The following MTRF1 variants were observed in gnomAD, a reference collection of about 807,000 sequenced individuals.
The protein encoded by MTRF1 is mitochondrial translation release factor 1, also known as peptide chain release factor 1, mitochondrial.
A neutral mutation model predicts 62.9 loss-of-function variants in MTRF1; 51 were observed. The ratio of observed to expected loss-of-function variants is 0.81; its 90% CI spans 0.65 to 1.02. The LOEUF (loss-of-function observed/expected upper bound fraction) is 1.02, where lower values mean the gene tolerates loss of function less well. Ranked by LOEUF, MTRF1 falls within the 50% of genes least tolerant of loss-of-function variation. The pLI is 0.00. For missense variants in MTRF1, 446 were observed against 530.0 expected (o/e 0.84, Z 1.56); for synonymous variants, 158 against 181.9 (o/e 0.87, Z 1.06).
At chr13:41,284,696 G>A in the MTRF1 span, among the ~76,000 whole-genome samples, 2 of 151,416 alleles carry the variant, frequency 1.3e-5, no homozygotes, top group Admixed American at 6.6e-5. Context: ...GCGTGATATC[G>A]ACGCTGGAGT....
At chr13:41,241,871 C>T (rs1279248533) in intron 5 of MTRF1, among the ~76,000 whole-genome samples, 1 of 152,210 alleles carries the variant, frequency 6.6e-6, no homozygotes. Flanking sequence ...TTTGGCAAGA[C>T]GACAGGAGGT....
At chr13:41,257,512 C>G (rs2039884011) in intron 2 of MTRF1, among the ~76,000 whole-genome samples, 1 of 152,188 alleles carries the variant, frequency 6.6e-6, no homozygotes, top group Non-Finnish European at 1.5e-5. Context: ...GGTTCAAATC[C>G]TTGCTTCTCC....
At chr13:41,291,275 C>T in the MTRF1 span, among the ~76,000 whole-genome samples, 1 of 151,960 alleles carries the variant, frequency 6.6e-6, no homozygotes, top group Non-Finnish European at 1.5e-5. Flanking sequence ...CCTCCCAGGC[C>T]CAAGTGATCT....
chr13:41,277,868 C>T, the MTRF1 span, among the ~76,000 whole-genome samples: 1 of 152,186 alleles, frequency 6.6e-6, no homozygotes, highest in Non-Finnish European at 1.5e-5. Context: ...AGCCATCAGT[C>T]AACTCCTTAG....
rs138071992 is a variant in MTRF1, at chr13:41,246,615, T to C, written c.697+6030A>G. Among the ~76,000 whole-genome samples, 3 of 152,244 alleles carry C rather than the reference T, an allele frequency of 2.0e-5. No individual in the cohort carries two copies. The East Asian group carries it at 5.8e-4, about 29-fold the overall frequency. Reference sequence around the variant, plus strand: ...TTCATACCAAATAAAGAAGCTGACATGCATTTAGGGCACAGATGATATGAA... The same window carrying C: ...TTCATACCAAATAAAGAAGCTGACACGCATTTAGGGCACAGATGATATGAA... On this transcript the variant is annotated intron_variant, in intron 5 of 9. Coordinates refer to ENST00000379480, the MANE Select transcript of MTRF1 (RefSeq NM_004294.4).
chr13:41,218,415 T>C (rs1288678954), intron 9 of MTRF1, among the ~76,000 whole-genome samples: 1 of 151,310 alleles, frequency 6.6e-6, no homozygotes, highest in African/African-American at 2.4e-5. Context: ...TGAGCCACTG[T>C]GCCCAGCTGA....
At chr13:41,227,426 G>C (rs1393083735) in intron 7 of MTRF1, among the ~76,000 whole-genome samples, 1 of 152,164 alleles carries the variant, frequency 6.6e-6, no homozygotes, top group East Asian at 1.9e-4. Context: ...GTTCTGCGTA[G>C]TCTAAGTTAG....
chr13:41,233,096 C>T (rs1270355255), intron 7 of MTRF1, among the ~76,000 whole-genome samples: 2 of 152,078 alleles, frequency 1.3e-5, no homozygotes, highest in Non-Finnish European at 2.9e-5. Flanking sequence ...TCTCATCTAC[C>T]ACATTAAGAT....
At position 41,222,872 on chromosome 13, in the gene MTRF1, A is replaced by C. The variant is rs564831661; in HGVS notation, c.1224+384T>G. ...AAGATAACTAAGCTCAGTTGTCCCT[A>C]GATTTCTGACCTACAGAAATCATGA... On this transcript the variant is annotated intron_variant, in intron 9 of 9. Transcript: ENST00000379480. Among the ~76,000 whole-genome samples, 6 of 152,356 alleles carry C rather than the reference A, an allele frequency of 3.9e-5. No homozygotes were observed. In the East Asian group the frequency reaches 9.6e-4, roughly 24 times the overall value.
At chr13:41,277,525 A>T in the MTRF1 span, among the ~76,000 whole-genome samples, 1 of 152,178 alleles carries the variant, frequency 6.6e-6, no homozygotes, top group Non-Finnish European at 1.5e-5. Context: ...ATTATAAAGG[A>T]TATTACAAAG....
At chr13:41,222,304 G>A (rs2138675050) in intron 9 of MTRF1, among the ~76,000 whole-genome samples, 1 of 152,280 alleles carries the variant, frequency 6.6e-6, no homozygotes, top group East Asian at 1.9e-4. Context: ...GGTCTTTGCT[G>A]GATGCGATTT....
At chr13:41,299,036 C>T in the MTRF1 span, among the ~76,000 whole-genome samples, 2 of 151,910 alleles carry the variant, frequency 1.3e-5, no homozygotes, top group Non-Finnish European at 2.9e-5. Flanking sequence ...CAAAAATTAG[C>T]TGGGCGTGAC....
At chr13:41,285,768 A>G in the MTRF1 span, among the ~76,000 whole-genome samples, 10 of 151,996 alleles carry the variant, frequency 6.6e-5, no homozygotes, top group African/African-American at 1.7e-4. Flanking sequence ...AAGTTGAGAC[A>G]CTCACTGCCT....
At chr13:41,220,541 C>T in intron 9 of MTRF1, 3 of 1,263,832 alleles carry the variant, frequency 2.4e-6, no homozygotes, top group Non-Finnish European at 3.1e-6. Context: ...AGTTACCTAA[C>T]AGAAGAAGTC....
chr13:41,222,060 C>T (rs1425773841), intron 9 of MTRF1, among the ~76,000 whole-genome samples: 1 of 152,106 alleles, frequency 6.6e-6, no homozygotes, highest in Non-Finnish European at 1.5e-5. Context: ...GACTTTTTTA[C>T]AAGGTATATT....
At chr13:41,275,311 T>C in the MTRF1 span, among the ~76,000 whole-genome samples, 1 of 150,698 alleles carries the variant, frequency 6.6e-6, no homozygotes, top group African/African-American at 2.4e-5. Flanking sequence ...TGCCATTCTT[T>C]TGCCTCAGTC....
At chr13:41,219,871 G>C (rs977945565) in intron 9 of MTRF1, among the ~76,000 whole-genome samples, 2 of 151,798 alleles carry the variant, frequency 1.3e-5, no homozygotes, top group African/African-American at 4.8e-5. Context: ...GGTGGTGCAT[G>C]CCTGTAATCC....
intron 6 of MTRF1, chr13:41,236,691 G>A (rs1160181635): frequency 6.6e-6 from 1 of 152,154 alleles, no homozygotes; most frequent in African/African-American, 2.4e-5. Flanking sequence ...AGAGATAAGA[G>A]TGACTTACCA....
At chr13:41,250,138 G>T (rs1054103209) in intron 5 of MTRF1, among the ~76,000 whole-genome samples, 1 of 151,976 alleles carries the variant, frequency 6.6e-6, no homozygotes, top group African/African-American at 2.4e-5. Flanking sequence ...AGTCTCATTC[G>T]AAATACACCT....
Sources: allele counts gnomAD v4.1 joint callset (sites outside exome capture counted in the v4.1 genomes callset), GRCh38; gene constraint gnomAD v4.1.1; transcripts MANE v1.5; gene names NCBI Gene and HGNC (gene_info 2026-07-23, HGNC 2026-07-21).